GRM5: variants seen among roughly 807,000 people sequenced by gnomAD.
GRM5 encodes the protein glutamate metabotropic receptor 5.
In GRM5, 19 loss-of-function variants were observed where a neutral mutation model predicts 83.1. That is an observed-to-expected ratio of 0.23 (90% CI 0.16 to 0.34). The LOEUF (loss-of-function observed/expected upper bound fraction) is 0.34, where lower values mean the gene tolerates loss of function less well. Ranked by LOEUF, GRM5 falls within the 10% of genes least tolerant of loss-of-function variation. The pLI is 1.00. For missense variants in GRM5, 1,160 were observed against 1,588.3 expected, an observed-to-expected ratio of 0.73 and a Z score of 4.58; for synonymous variants, 675 against 633.6, an observed-to-expected ratio of 1.07 and a Z score of -0.98.
chr11:88,591,943 C>T (rs1937648852), intron 6 of GRM5, among the ~76,000 whole-genome samples: 1 of 152,116 alleles, frequency 6.6e-6, no homozygotes, highest in Non-Finnish European at 1.5e-5. Context: ...TATGAAGTAG[C>T]TGGTTTATTT....
At position 88,508,584 on chromosome 11, in the gene GRM5, A is replaced by G. The variant is rs113729474; in HGVS notation, c.*8T>C. ...GCACGCGCAGGCCGGCGTGCTTTCC[A>G]GGGACATTCACAACGACGAGGAGCT... On this transcript the variant is annotated 3_prime_UTR_variant, in exon 10 of 10. Transcript: ENST00000305447. This position sits in a 1 kb window ranked among gnomAD's most constrained non-coding sequence, Gnocchi z 4.2. The G allele has an allele frequency of 1.7e-4, 275 of 1,605,654 alleles. 1 individual carries two copies. The African/African-American group carries it at 3.2e-3, about 18-fold the overall frequency.
At chr11:88,713,474 C>T (rs1499030) in intron 3 of GRM5, among the ~76,000 whole-genome samples, 5,530 of 151,966 alleles carry the variant, frequency 0.036, 259 homozygotes, top group Admixed American at 0.14. Flanking sequence ...CTAATGCTGA[C>T]GAGTTGTTTA....
chr11:88,593,468 C>T (rs1326419701), intron 6 of GRM5, among the ~76,000 whole-genome samples: 1 of 151,772 alleles, frequency 6.6e-6, no homozygotes, highest in Non-Finnish European at 1.5e-5. Context: ...ACGAGGTCAG[C>T]AGATCGAGAC....
chr11:88,666,832 G>A (rs1390286071), intron 3 of GRM5, among the ~76,000 whole-genome samples: 3 of 152,138 alleles, frequency 2.0e-5, no homozygotes, highest in African/African-American at 7.2e-5. Context: ...ACAACCAGAT[G>A]TAGCCTTAGA....
chr11:88,824,460 T>C (rs1943858566), intron 3 of GRM5, among the ~76,000 whole-genome samples: 1 of 152,140 alleles, frequency 6.6e-6, no homozygotes, highest in Admixed American at 6.5e-5. Context: ...AGCCTCCAAC[T>C]TTACTGGCAC....
At chr11:88,729,085 C>T (rs1941746330) in intron 3 of GRM5, among the ~76,000 whole-genome samples, 1 of 152,188 alleles carries the variant, frequency 6.6e-6, no homozygotes, top group Non-Finnish European at 1.5e-5. Context: ...GTAAAATTGT[C>T]TCTGTTTGCA....
At chr11:88,673,212 A>T (rs1214030566) in intron 3 of GRM5, among the ~76,000 whole-genome samples, 2 of 151,892 alleles carry the variant, frequency 1.3e-5, no homozygotes, top group South Asian at 2.1e-4. Context: ...AGAAGTGATG[A>T]TTTGAAACAA....
At chr11:88,887,935 A>T (rs1175482236) in intron 2 of GRM5, among the ~76,000 whole-genome samples, 2 of 152,146 alleles carry the variant, frequency 1.3e-5, no homozygotes, top group East Asian at 3.9e-4. Flanking sequence ...CCAAAATGAG[A>T]AAAGCAACTT....
intron 2 of GRM5, among the ~76,000 whole-genome samples, chr11:88,951,387 T>C (rs1221094896): frequency 2.0e-5 from 3 of 152,232 alleles, no homozygotes; most frequent in Non-Finnish European, 4.4e-5. Flanking sequence ...GGAAGAACTT[T>C]CGCATACCGG....
chr11:88,597,005 C>T (rs1208332674), intron 6 of GRM5, among the ~76,000 whole-genome samples, 179 bp downstream of exon 6: 1 of 152,032 alleles, frequency 6.6e-6, no homozygotes, highest in Non-Finnish European at 1.5e-5. Context: ...ATCAAACCAA[C>T]TAATAAGACT....
chr11:88,516,115 C>G (rs1180968583), intron 9 of GRM5, among the ~76,000 whole-genome samples: 1 of 152,116 alleles, frequency 6.6e-6, no homozygotes, highest in African/African-American at 2.4e-5. Flanking sequence ...ATCTCCTGTG[C>G]TTAATATGGT....
chr11:88,893,065 T>C (rs1945174069), intron 2 of GRM5, among the ~76,000 whole-genome samples: 1 of 151,508 alleles, frequency 6.6e-6, no homozygotes, highest in Non-Finnish European at 1.5e-5. Flanking sequence ...ACCTTCTAAC[T>C]GGAATATCAG....
chr11:88,759,224 T>A (rs753843777), intron 3 of GRM5, among the ~76,000 whole-genome samples: 2 of 151,956 alleles, frequency 1.3e-5, no homozygotes, highest in Admixed American at 1.3e-4. Context: ...TCCACACATA[T>A]CAATACTCAT....
intron 3 of GRM5, among the ~76,000 whole-genome samples, chr11:88,746,906 G>A (rs763557671): frequency 1.3e-5 from 2 of 152,032 alleles, no homozygotes; most frequent in Non-Finnish European, 2.9e-5. Context: ...GAAGCATATC[G>A]TTTAGACCTT....
chr11:89,010,829 G>C (rs1176105391), intron 2 of GRM5, among the ~76,000 whole-genome samples: 1 of 151,596 alleles, frequency 6.6e-6, no homozygotes, highest in Non-Finnish European at 1.5e-5. Context: ...GGTGCCATAT[G>C]TATTAAGCCA....
At chr11:89,023,879 AAATAAATAAATAAAT>A (rs1565340045) in intron 2 of GRM5, among the ~76,000 whole-genome samples, 5 of 148,200 alleles carry the variant, frequency 3.4e-5, no homozygotes, top group African/African-American at 4.9e-5. Context: ...ATAAATAAAT[AAATAAATAAATAAAT>A]AAAAATAAAT....
intron 8 of GRM5, among the ~76,000 whole-genome samples, chr11:88,533,699 A>G (rs1942069599): frequency 6.6e-6 from 1 of 152,178 alleles, no homozygotes; most frequent in Admixed American, 6.5e-5. Flanking sequence ...GGAAAATTAA[A>G]TTATAAATTT....
intron 7 of GRM5, among the ~76,000 whole-genome samples, chr11:88,587,418 T>C (rs1398147744): frequency 1.3e-5 from 2 of 151,894 alleles, no homozygotes; most frequent in Admixed American, 6.6e-5. Flanking sequence ...GAATGTAAAA[T>C]GAAAGATGGA....
chr11:88,885,450 G>GGTTTTTTTTTTT lies in GRM5; in HGVS notation c.662-35296_662-35295insAAAAAAAAAAAC, dbSNP rs1945027301. 7.5e-4 allele frequency among the ~76,000 whole-genome samples: 47 copies of GGTTTTTTTTTTT among 62,664 alleles called. 19 individuals are homozygous for GGTTTTTTTTTTT. Among genetic ancestry groups the GGTTTTTTTTTTT allele is most frequent in the African/African-American group, 1.6e-3 (27 of 16,892 alleles). The allele number at this position is 62,664 out of a possible 152,430, so 41.1% of individuals were successfully genotyped here. ...TTCTGAATTCTATAGTAGGTACCAT[G>GGTTTTTTTTTTT]TTTTTTTTTTTTTTTTTTTTTTTTT... On this transcript the variant is annotated intron_variant, in intron 2 of 9. Coordinates refer to ENST00000305447, the MANE Select transcript of GRM5 (RefSeq NM_001143831.3).
Sources: allele counts gnomAD v4.1 joint callset (sites outside exome capture counted in the v4.1 genomes callset), GRCh38; gene constraint gnomAD v4.1.1; non-coding constraint Gnocchi (gnomAD v3.1); transcripts MANE v1.5; gene names NCBI Gene and HGNC (gene_info 2026-07-23, HGNC 2026-07-21).